The following METAP1 variants were observed in gnomAD, a reference collection of about 807,000 sequenced individuals.
The protein encoded by METAP1 is methionine aminopeptidase 1.
In METAP1, 28 loss-of-function variants were observed where a neutral mutation model predicts 53.8. The observed-to-expected ratio is 0.52, with a 90% CI of 0.39 to 0.71. METAP1 has a LOEUF of 0.71. METAP1 is among the 30% of genes least tolerant of loss of function. The pLI is 0.00. For synonymous variants in METAP1, 181 were observed against 165.7 expected (o/e 1.09, Z -0.71); for missense variants, 389 against 479.8 (o/e 0.81, Z 1.77).
At chr4:99,049,776 T>C (rs1030038283) in intron 9 of METAP1, among the ~76,000 whole-genome samples, 2 of 152,198 alleles carry the variant, frequency 1.3e-5, no homozygotes, top group Non-Finnish European at 2.9e-5. Flanking sequence ...GTACTTACTG[T>C]AGAATTGTTA....
intron 3 of METAP1, 142 bp downstream of exon 3, chr4:99,034,484 G>A (rs556544163): frequency 1.6e-6 from 1 of 616,146 alleles, no homozygotes; most frequent in East Asian, 3.0e-5. Context: ...GAGCTCTTAC[G>A]GTGCATCATT....
intron 9 of METAP1, among the ~76,000 whole-genome samples, chr4:99,055,486 A>C (rs188204288): frequency 3.5e-4 from 53 of 152,340 alleles, no homozygotes; most frequent in Admixed American, 1.1e-3. Context: ...TGCATATTAC[A>C]GTCATTCTGT....
At chr4:98,995,934 C>T (rs1476617363) in intron 1 of METAP1, 67 bp downstream of exon 1, 7 of 1,281,126 alleles carry the variant, frequency 5.5e-6, no homozygotes, top group Admixed American at 2.0e-5. Flanking sequence ...CCCCTGCTGG[C>T]TCCTCCCGCC....
chr4:99,022,936 A>G, intron 1 of METAP1: 3 of 1,499,312 alleles, frequency 2.0e-6, no homozygotes, highest in Non-Finnish European at 2.7e-6. Flanking sequence ...ATAGGCACTG[A>G]GAAGGTTGCG....
intron 2 of METAP1, among the ~76,000 whole-genome samples, chr4:99,033,645 C>A (rs191414455): frequency 6.6e-6 from 1 of 152,290 alleles, no homozygotes; most frequent in Non-Finnish European, 1.5e-5. Context: ...CTTTTTCCTG[C>A]CTCTTTCCTT....
chr4:99,011,562 G>A (rs1218670581), intron 1 of METAP1, among the ~76,000 whole-genome samples: 3 of 152,148 alleles, frequency 2.0e-5, no homozygotes, highest in Admixed American at 6.5e-5. Context: ...TTAGTGTTTT[G>A]TTCAAGATTT....
At chr4:99,051,058 A>G (rs1260171366) in intron 9 of METAP1, among the ~76,000 whole-genome samples, 1 of 152,226 alleles carries the variant, frequency 6.6e-6, no homozygotes, top group African/African-American at 2.4e-5. Context: ...AATCATCTGA[A>G]TATGCATTCC....
intron 1 of METAP1, among the ~76,000 whole-genome samples, chr4:98,998,437 CA>C (rs1319362312): frequency 6.6e-6 from 1 of 152,188 alleles, no homozygotes; most frequent in Non-Finnish European, 1.5e-5. Context: ...ACACAAGAAT[CA>C]CTTGAACCTG....
chr4:98,997,577 A>G lies in METAP1; in HGVS notation c.114+1710A>G, dbSNP rs565325749. Reference sequence around the variant, plus strand: ...TAGAATAACTTTAAAAGTAGGTGGCATTTTGAATTAATATGTATTACAATC... The same window carrying G: ...TAGAATAACTTTAAAAGTAGGTGGCGTTTTGAATTAATATGTATTACAATC... On this transcript the variant is annotated intron_variant, in intron 1 of 10. Transcript: ENST00000296411. 54 of 154,262 alleles carry G rather than the reference A, an allele frequency of 3.5e-4. 1 individual carries two copies. The Middle Eastern group carries it at 4.1e-3, about 12-fold the overall frequency. The allele number at this position is 154,262 out of a possible 1,614,324, so 9.6% of individuals were successfully genotyped here.
chr4:99,061,556 A>C lies in METAP1; in HGVS notation c.*239A>C. On this transcript the variant is annotated 3_prime_UTR_variant, in exon 11 of 11. Coordinates refer to ENST00000296411, the MANE Select transcript of METAP1 (RefSeq NM_015143.3). The stretch of plus-strand genomic sequence containing the variant: ...CCTCCCCCTGCACACCTGTTTTCTC[A>C]TTTGCCCTTTGAGCACTTTTACTTA... 1 of 352,324 alleles carries C rather than the reference A, an allele frequency of 2.8e-6. No homozygotes were observed. Among genetic ancestry groups the C allele is most frequent in the Non-Finnish European group, 5.0e-6 (1 of 198,370 alleles). The allele number at this position is 352,324 out of a possible 1,614,324, so 21.8% of individuals were successfully genotyped here.
At chr4:99,051,695 A>G (rs1455182103) in intron 9 of METAP1, among the ~76,000 whole-genome samples, 1 of 152,134 alleles carries the variant, frequency 6.6e-6, no homozygotes, top group Non-Finnish European at 1.5e-5. Flanking sequence ...CCAGCCTTAT[A>G]TATTATGTTT....
chr4:99,027,070 A>G (rs1277780954), intron 1 of METAP1, among the ~76,000 whole-genome samples: 1 of 152,216 alleles, frequency 6.6e-6, no homozygotes, highest in Non-Finnish European at 1.5e-5. Context: ...TCCTCTGAGG[A>G]GAATACAAGG....
intron 1 of METAP1, among the ~76,000 whole-genome samples, chr4:99,007,308 A>G (rs1266404826): frequency 6.6e-6 from 1 of 152,152 alleles, no homozygotes; most frequent in Non-Finnish European, 1.5e-5. Context: ...TTCACATTTC[A>G]TCACATCAGG....
chr4:99,032,376 G>A (rs1210217626), intron 2 of METAP1, among the ~76,000 whole-genome samples: 1 of 151,986 alleles, frequency 6.6e-6, no homozygotes, highest in East Asian at 1.9e-4. Flanking sequence ...GGGATTACAG[G>A]TGTGCACCAC....
chr4:99,027,438 C>T (rs1379753362), intron 1 of METAP1, among the ~76,000 whole-genome samples: 1 of 152,034 alleles, frequency 6.6e-6, no homozygotes, highest in African/African-American at 2.4e-5. Context: ...GCCTGCAGAA[C>T]AGACATGGTT....
At chr4:99,022,668 G>C in intron 1 of METAP1, 1 of 1,225,092 alleles carries the variant, frequency 8.2e-7, no homozygotes, top group Non-Finnish European at 1.2e-6. Context: ...TGCTCGCTGT[G>C]GTGGGACCAG....
intron 1 of METAP1, among the ~76,000 whole-genome samples, chr4:99,008,468 A>G (rs1723291663): frequency 6.6e-6 from 1 of 152,222 alleles, no homozygotes; most frequent in Admixed American, 6.5e-5. Context: ...TTAAAACAGA[A>G]GTGTGTTAGG....
At chr4:99,004,385 A>G (rs2110277395) in intron 1 of METAP1, among the ~76,000 whole-genome samples, 1 of 152,054 alleles carries the variant, frequency 6.6e-6, no homozygotes, top group East Asian at 1.9e-4. Context: ...TAAAGCACCC[A>G]ACACTATAAC....
At chr4:99,048,610 T>C in intron 8 of METAP1, 123 bp from the exon 9 acceptor site, 1 of 1,053,356 alleles carries the variant, frequency 9.5e-7, no homozygotes, top group Non-Finnish European at 1.4e-6. Context: ...GCTCAGGCGA[T>C]CTTCCTGCCT....
Sources: allele counts gnomAD v4.1 joint callset (sites outside exome capture counted in the v4.1 genomes callset), GRCh38; gene constraint gnomAD v4.1.1; transcripts MANE v1.5; gene names NCBI Gene and HGNC (gene_info 2026-07-23, HGNC 2026-07-21).